The following ARAP2 variants were observed in gnomAD, a reference collection of about 807,000 sequenced individuals.
The protein encoded by ARAP2 is ArfGAP with RhoGAP domain, ankyrin repeat and PH domain 2, also known as arf-GAP with Rho-GAP domain, ANK repeat and PH domain-containing protein 2.
In ARAP2, 148 loss-of-function variants were observed where a neutral mutation model predicts 194.5. The ratio of observed to expected loss-of-function variants is 0.76; its 90% CI spans 0.67 to 0.87. The LOEUF is 0.87. Ranked by LOEUF, ARAP2 falls within the 40% of genes least tolerant of loss-of-function variation. The probability of loss-of-function intolerance (pLI) is 0.00; values close to 1 mark genes in which losing one functional copy is unlikely to be tolerated. For synonymous variants in ARAP2, 695 were observed against 683.5 expected (o/e 1.02, Z -0.26); for missense variants, 2,128 against 1,989.7 (o/e 1.07, Z -1.32).
Position 36,114,598 on chromosome 4 carries a change from T to TCCAC in ARAP2, c.4039-312_4039-311insGTGG, listed in dbSNP as rs536334774. 2.7e-4 allele frequency among the ~76,000 whole-genome samples: 41 copies of TCCAC among 152,142 alleles called. No individual in the cohort carries two copies. The East Asian group carries it at 7.8e-3, about 29-fold the overall frequency. On this transcript the variant is annotated intron_variant, in intron 25 of 32. Coordinates refer to ENST00000303965, the MANE Select transcript of ARAP2 (RefSeq NM_015230.4). Reference sequence around the variant, plus strand: ...GGAATGACCTTCGCCAGACAATGAATCCAACAGTCATCTACATGTAAAATT... The same window carrying TCCAC: ...GGAATGACCTTCGCCAGACAATGAATCCACCCAACAGTCATCTACATGTAAAATT...
At chr4:36,197,570 T>A (rs1032832747) in intron 6 of ARAP2, among the ~76,000 whole-genome samples, 1 of 152,228 alleles carries the variant, frequency 6.6e-6, no homozygotes, top group Non-Finnish European at 1.5e-5. Flanking sequence ...TCTGGCCCAC[T>A]GGGTTTGTTC....
chr4:36,047,435 T>C (rs1254412761), intron 3 of ARAP2: 1 of 152,224 alleles, frequency 6.6e-6, no homozygotes, highest in African/African-American at 2.4e-5. Context: ...ATAATCTAAA[T>C]TATAGGCCAA....
intron 3 of ARAP2, among the ~76,000 whole-genome samples, chr4:36,051,665 T>A (rs987730202): frequency 6.6e-6 from 1 of 152,214 alleles, no homozygotes; most frequent in African/African-American, 2.4e-5. Flanking sequence ...TTGTCTGTCT[T>A]TTATCCTTTC....
chr4:36,143,583 G>T (rs929476148), intron 19 of ARAP2, among the ~76,000 whole-genome samples: 3 of 151,722 alleles, frequency 2.0e-5, no homozygotes, highest in Non-Finnish European at 2.9e-5. Flanking sequence ...TTGGCACATG[G>T]TAACTGCCCC....
intron 19 of ARAP2, among the ~76,000 whole-genome samples, chr4:36,146,620 T>C (rs866971258): frequency 1.5e-4 from 23 of 152,096 alleles, no homozygotes; most frequent in African/African-American, 3.9e-4. Context: ...TTTTTCGTTT[T>C]ATGAAGCTCT....
At chr4:36,201,095 T>A (rs1038540482) in intron 6 of ARAP2, among the ~76,000 whole-genome samples, 2 of 152,206 alleles carry the variant, frequency 1.3e-5, no homozygotes, top group Non-Finnish European at 2.9e-5. Context: ...AGCAAACACA[T>A]AGTCCTTTTT....
In ARAP2 at chr4:36,156,354, AGAGGGAGG is replaced by A. The variant is rs780958515; in HGVS notation, c.2752+2368_2752+2375del. 4.4e-4 allele frequency among the ~76,000 whole-genome samples: 18 copies of A among 41,314 alleles called. 1 individual carries two copies. Among genetic ancestry groups the A allele is most frequent in the Non-Finnish European group, 6.2e-4 (14 of 22,590 alleles). 27.1% of individuals were successfully genotyped at this position (41,314 alleles called of 152,430 possible). A position where few individuals can be genotyped will look rare whatever the true frequency, so the allele number is the denominator to read the frequency against. ...GAGGGAGGGAAAGAGAGAGAGAGAG[AGAGGGAGG>A]GAGGGAGGGAGGGGGAAAGAGAGAG... On this transcript the variant is annotated intron_variant, in intron 15 of 32. Coordinates refer to ENST00000303965, the MANE Select transcript of ARAP2 (RefSeq NM_015230.4).
At chr4:36,010,475 A>G (rs1355328528) in intron 9 of ARAP2, among the ~76,000 whole-genome samples, 3 of 152,024 alleles carry the variant, frequency 2.0e-5, no homozygotes, top group African/African-American at 7.2e-5. Context: ...TGGATGTGTC[A>G]AGTGCCTCAT....
chr4:36,011,971 A>G (rs915449649), intron 9 of ARAP2, among the ~76,000 whole-genome samples: 1 of 152,162 alleles, frequency 6.6e-6, no homozygotes, highest in African/African-American at 2.4e-5. Flanking sequence ...TAAAGCAGGG[A>G]TGTGTTAGAT....
intron 23 of ARAP2, among the ~76,000 whole-genome samples, chr4:36,120,388 A>T (rs1722393854): frequency 6.6e-6 from 1 of 151,564 alleles, no homozygotes. Flanking sequence ...ATGATAAGTG[A>T]TTATAATAAG....
At chr4:36,203,681 G>A (rs1255099652) in intron 6 of ARAP2, among the ~76,000 whole-genome samples, 1 of 152,022 alleles carries the variant, frequency 6.6e-6, no homozygotes. Context: ...CTAGCATGAG[G>A]CTTCTGTATG....
intron 12 of ARAP2, among the ~76,000 whole-genome samples, chr4:36,161,096 T>G (rs549147135): frequency 6.6e-6 from 1 of 151,508 alleles, no homozygotes; most frequent in Non-Finnish European, 1.5e-5. Flanking sequence ...AATGTTTTCA[T>G]TCACTCTCCT....
At chr4:36,180,021 C>T (rs1361294112) in intron 8 of ARAP2, among the ~76,000 whole-genome samples, 2 of 152,088 alleles carry the variant, frequency 1.3e-5, no homozygotes, top group African/African-American at 4.8e-5. Flanking sequence ...ACCCGTAATC[C>T]CAGCACTCTG....
At chr4:36,088,864 C>T (rs574580272) in intron 28 of ARAP2, among the ~76,000 whole-genome samples, 3 of 152,224 alleles carry the variant, frequency 2.0e-5, no homozygotes, top group Admixed American at 2.0e-4. Flanking sequence ...TTTCTTTGTG[C>T]ATCTCCACAA....
chr4:36,089,225 A>G (rs1389744467), intron 28 of ARAP2, among the ~76,000 whole-genome samples: 2 of 152,126 alleles, frequency 1.3e-5, no homozygotes, highest in Non-Finnish European at 2.9e-5. Flanking sequence ...ACAGACTTAT[A>G]TGATACTATT....
At chr4:36,221,177 T>A (rs189629073) in intron 2 of ARAP2, among the ~76,000 whole-genome samples, 5 of 152,228 alleles carry the variant, frequency 3.3e-5, no homozygotes, top group African/African-American at 7.2e-5. Context: ...AAGAGTAGGC[T>A]CTACCATATA....
chr4:36,120,494 C>T (rs1484877476), intron 23 of ARAP2, among the ~76,000 whole-genome samples: 2 of 151,504 alleles, frequency 1.3e-5, no homozygotes, highest in African/African-American at 2.4e-5. Context: ...CTCATAAACA[C>T]CATTTAAGGG....
At chr4:36,183,060 G>T (rs1458718747) in intron 8 of ARAP2, among the ~76,000 whole-genome samples, 1 of 152,096 alleles carries the variant, frequency 6.6e-6, no homozygotes, top group Non-Finnish European at 1.5e-5. Flanking sequence ...TGGAGTCCTA[G>T]CAAGTTCCTA....
intron 5 of ARAP2, among the ~76,000 whole-genome samples, chr4:36,022,147 T>C (rs1024534711): frequency 3.3e-5 from 5 of 152,260 alleles, no homozygotes; most frequent in Non-Finnish European, 7.4e-5. Context: ...CAGTCCATCA[T>C]TGACTGAAAC....
Sources: gnomAD v4.1 joint callset for allele counts (sites outside exome capture counted in the v4.1 genomes callset) on GRCh38, gnomAD v4.1.1 for gene constraint, MANE v1.5 for transcripts, NCBI Gene and HGNC (gene_info 2026-07-23, HGNC 2026-07-21) for gene names.